AJAP1: variants seen among roughly 807,000 people sequenced by gnomAD.
AJAP1 encodes the protein adherens junctions associated protein 1.
In AJAP1, 5 loss-of-function variants were observed where a neutral mutation model predicts 35.0. The observed-to-expected ratio is 0.14, with a 90% CI of 0.07 to 0.30. The LOEUF is 0.30. Among genes scored for constraint, AJAP1 ranks in the 10% least tolerant of loss-of-function variants. The pLI, the probability that AJAP1 is intolerant of heterozygous loss-of-function variation, is 1.00. For missense variants in AJAP1, 586 were observed against 571.0 expected (o/e 1.03, Z -0.27); for synonymous variants, 284 against 249.3 (o/e 1.14, Z -1.31).
chr1:4,752,265 A>G (rs1641337159), intron 2 of AJAP1, among the ~76,000 whole-genome samples: 1 of 151,782 alleles, frequency 6.6e-6, no homozygotes, highest in African/African-American at 2.4e-5. Context: ...AGATGAAGGA[A>G]CAAGGAAAGA....
chr1:4,755,859 A>AG (rs945861480), intron 2 of AJAP1, among the ~76,000 whole-genome samples: 23 of 152,094 alleles, frequency 1.5e-4, no homozygotes, highest in Admixed American at 1.4e-3. Context: ...CACTGGAGTA[A>AG]GGGGGGTTCT....
At chr1:4,740,847 T>G (rs930768457) in intron 2 of AJAP1, among the ~76,000 whole-genome samples, 3 of 151,458 alleles carry the variant, frequency 2.0e-5, no homozygotes, top group Non-Finnish European at 4.4e-5. Flanking sequence ...TATGTGCATT[T>G]TATCACAATT....
At chr1:4,767,120 G>T (rs996931639) in intron 2 of AJAP1, among the ~76,000 whole-genome samples, 1 of 152,136 alleles carries the variant, frequency 6.6e-6, no homozygotes, top group Non-Finnish European at 1.5e-5. Context: ...ATCAGAAGTA[G>T]ATCATTACCC....
At chr1:4,675,420 G>A (rs1639341504) in intron 1 of AJAP1, among the ~76,000 whole-genome samples, 1 of 152,234 alleles carries the variant, frequency 6.6e-6, no homozygotes, top group Non-Finnish European at 1.5e-5. Context: ...TGCTTTCTTG[G>A]CAACAGTGAG....
chr1:4,759,061 G>A (rs1044484559), intron 2 of AJAP1, among the ~76,000 whole-genome samples: 18 of 152,192 alleles, frequency 1.2e-4, no homozygotes, highest in Non-Finnish European at 2.4e-4. Flanking sequence ...TCACTGACCC[G>A]TGACTGTTTC....
chr1:4,758,319 G>T (rs962792598), intron 2 of AJAP1, among the ~76,000 whole-genome samples: 4 of 152,206 alleles, frequency 2.6e-5, no homozygotes, highest in Non-Finnish European at 4.4e-5. Flanking sequence ...GGCATAGGAA[G>T]TGCATTAGTC....
rs926982312 is a variant in AJAP1 at position 4,790,303 on chromosome 1, A to C, written c.*7818A>C. On this transcript the variant is annotated 3_prime_UTR_variant, in exon 6 of 6. Coordinates refer to ENST00000378191, the MANE Select transcript of AJAP1 (RefSeq NM_018836.4). ...ACATACATGTGGATTTCTAATATCA[A>C]GTTATGTGACTGCCTACCACTTAAG... is the stretch of plus-strand genomic sequence containing the variant. The C allele has an allele frequency of 6.6e-6, 1 of 152,348 alleles. No individual in the cohort carries two copies. The highest frequency in any genetic ancestry group is 1.9e-4 in the East Asian group (1 of 5,188). The allele number at this position is 152,348 out of a possible 1,614,324, so 9.4% of individuals were successfully genotyped here. A position where few individuals can be genotyped will look rare whatever the true frequency, so the allele number is the denominator to read the frequency against.
intron 5 of AJAP1, among the ~76,000 whole-genome samples, chr1:4,776,837 C>G (rs984701261): frequency 1.3e-5 from 2 of 152,186 alleles, no homozygotes; most frequent in Non-Finnish European, 2.9e-5. Flanking sequence ...GTCTAAAGAG[C>G]TGACCCCCTC....
At chr1:4,675,642 G>A (rs1639346264) in intron 1 of AJAP1, among the ~76,000 whole-genome samples, 1 of 152,216 alleles carries the variant, frequency 6.6e-6, no homozygotes, top group South Asian at 2.1e-4. Context: ...AAGGCCCCCA[G>A]GCAAACACAG....
chr1:4,691,581 G>A (rs1157727402), intron 1 of AJAP1, among the ~76,000 whole-genome samples: 1 of 152,204 alleles, frequency 6.6e-6, no homozygotes, highest in Non-Finnish European at 1.5e-5. Flanking sequence ...CCCTGGTGCT[G>A]GAGGAGAGTC....
chr1:4,722,992 C>T (rs962051659), intron 2 of AJAP1, among the ~76,000 whole-genome samples: 10 of 151,936 alleles, frequency 6.6e-5, no homozygotes, highest in African/African-American at 1.9e-4. Context: ...TGATCTGAGC[C>T]GGAGGTACTG....
chr1:4,743,340 G>C (rs1014106406), intron 2 of AJAP1, among the ~76,000 whole-genome samples: 1 of 152,216 alleles, frequency 6.6e-6, no homozygotes, highest in African/African-American at 2.4e-5. Flanking sequence ...GCCTGTGGTA[G>C]TGAGGGCAGG....
chr1:4,726,117 C>T (rs71640945), intron 2 of AJAP1, among the ~76,000 whole-genome samples: 20,682 of 140,676 alleles, frequency 0.15, 1,743 homozygotes, highest in Non-Finnish European at 0.17. Flanking sequence ...GGAGCTCCAT[C>T]GCCAGCCCCG....
intron 2 of AJAP1, among the ~76,000 whole-genome samples, chr1:4,743,783 C>G (rs189449254): frequency 6.6e-6 from 1 of 152,154 alleles, no homozygotes. Context: ...GGGGTCTCGC[C>G]GAGAACAATC....
At chr1:4,669,721 C>G (rs376142033) in intron 1 of AJAP1, among the ~76,000 whole-genome samples, 2 of 152,240 alleles carry the variant, frequency 1.3e-5, no homozygotes, top group East Asian at 3.9e-4. Flanking sequence ...TTTTAGTTCA[C>G]CCACATTGTA....
At chr1:4,721,449 T>C (rs1208906586) in intron 2 of AJAP1, among the ~76,000 whole-genome samples, 2 of 152,166 alleles carry the variant, frequency 1.3e-5, no homozygotes, top group African/African-American at 4.8e-5. Context: ...GTCCTGTCCA[T>C]CAGCAAAGCC....
chr1:4,721,526 G>A lies in AJAP1; in HGVS notation c.829+8827G>A, dbSNP rs573472471. On this transcript the variant is annotated intron_variant, in intron 2 of 5. Transcript: ENST00000378191. ...ATTTCAGAGACACACCCTGTGGTGC[G>A]TCCCTGGCCAAGATTTCATGGATGT... Among the ~76,000 whole-genome samples the A allele has an allele frequency of 2.0e-5, 3 of 152,330 alleles. No individual in the cohort carries two copies. The South Asian group carries it at 6.2e-4, about 32-fold the overall frequency.
At chr1:4,687,221 G>A (rs181508928) in intron 1 of AJAP1, among the ~76,000 whole-genome samples, 8 of 152,284 alleles carry the variant, frequency 5.3e-5, no homozygotes, top group Non-Finnish European at 1.2e-4. Flanking sequence ...GGACCTGAAC[G>A]CCTCTCGAAA....
chr1:4,707,643 C>T (rs1261921675), intron 1 of AJAP1, among the ~76,000 whole-genome samples: 1 of 152,154 alleles, frequency 6.6e-6, no homozygotes, highest in Non-Finnish European at 1.5e-5. Context: ...TATGCCAGAT[C>T]CCCTTTATCC....
Sources: gnomAD v4.1 joint callset for allele counts (sites outside exome capture counted in the v4.1 genomes callset) on GRCh38, gnomAD v4.1.1 for gene constraint, MANE v1.5 for transcripts, NCBI Gene and HGNC (gene_info 2026-07-23, HGNC 2026-07-21) for gene names.